SGIP1: variants seen among roughly 807,000 people sequenced by gnomAD.
The protein encoded by SGIP1 is SH3GL interacting endocytic adaptor 1.
In SGIP1, 38 loss-of-function variants were observed where a neutral mutation model predicts 107.5. That is an observed-to-expected ratio of 0.35 (90% CI 0.27 to 0.46). The LOEUF (loss-of-function observed/expected upper bound fraction) is 0.46. Among genes scored for constraint, SGIP1 ranks in the 20% least tolerant of loss-of-function variants. The pLI is 1.00. For missense variants in SGIP1, 929 were observed against 1,019.5 expected, an observed-to-expected ratio of 0.91 and a Z score of 1.21; for synonymous variants, 365 against 366.1, an observed-to-expected ratio of 1.00 and a Z score of 0.03.
chr1:66,679,322 T>G (rs1224051564), intron 13 of SGIP1, among the ~76,000 whole-genome samples: 2 of 152,180 alleles, frequency 1.3e-5, no homozygotes, highest in Non-Finnish European at 2.9e-5. Flanking sequence ...ATAAATCCCT[T>G]GAGGCCAAAG....
chr1:66,543,558 G>A (rs2055537608), intron 1 of SGIP1, among the ~76,000 whole-genome samples: 1 of 152,190 alleles, frequency 6.6e-6, no homozygotes, highest in Non-Finnish European at 1.5e-5. Context: ...CACGTTCAAA[G>A]GTGCTGAGGC....
intron 8 of SGIP1, among the ~76,000 whole-genome samples, chr1:66,662,357 C>G (rs139617693): frequency 2.2e-4 from 34 of 152,234 alleles, no homozygotes; most frequent in African/African-American, 7.9e-4. Context: ...TAGGATGTCA[C>G]AAAACTTCAA....
chr1:66,677,231 T>A lies in SGIP1; in HGVS notation c.739+135T>A, dbSNP rs551465795. 2.2e-4 allele frequency: 148 copies of A among 666,204 alleles called. 1 individual carries two copies. The South Asian group carries it at 3.3e-3, about 15-fold the overall frequency. The allele number at this position is 666,204 out of a possible 1,614,324, so 41.3% of individuals were successfully genotyped here. ...TGAATAATATTAAGAAGAGATGTTA[T>A]TCTAACAGGCTTTCAAGTTAAAGAA... is the stretch of plus-strand genomic sequence containing the variant. On this transcript the variant is annotated intron_variant, in intron 13 of 24. Coordinates refer to ENST00000371037, the MANE Select transcript of SGIP1 (RefSeq NM_032291.4).
chr1:66,664,283 G>A (rs1419244219), intron 8 of SGIP1, among the ~76,000 whole-genome samples: 2 of 152,104 alleles, frequency 1.3e-5, no homozygotes, highest in East Asian at 3.9e-4. Context: ...CATCCAGGCA[G>A]GTTTATAAGA....
chr1:66,603,160 GAGAA>G (rs1269119138), intron 1 of SGIP1, among the ~76,000 whole-genome samples: 1 of 152,184 alleles, frequency 6.6e-6, no homozygotes, highest in Non-Finnish European at 1.5e-5. Flanking sequence ...CTTGGAGAAA[GAGAA>G]AGAAATAGAA....
intron 16 of SGIP1, among the ~76,000 whole-genome samples, chr1:66,689,980 G>A (rs1027470750): frequency 1.3e-5 from 2 of 152,192 alleles, no homozygotes; most frequent in African/African-American, 4.8e-5. Context: ...GCTTCGCTAA[G>A]CTCAGCTTTA....
intron 21 of SGIP1, among the ~76,000 whole-genome samples, chr1:66,734,696 G>A (rs977673228): frequency 2.0e-5 from 3 of 151,826 alleles, no homozygotes; most frequent in Admixed American, 6.6e-5. Flanking sequence ...AATAGAGACG[G>A]GATTTCACCC....
intron 14 of SGIP1, among the ~76,000 whole-genome samples, chr1:66,681,472 A>G (rs1045138158): frequency 2.6e-5 from 4 of 152,220 alleles, no homozygotes; most frequent in African/African-American, 9.6e-5. Flanking sequence ...CCAGATTTTC[A>G]GAAGGGACCT....
At chr1:66,700,019 T>C (rs2091634147) in intron 18 of SGIP1, among the ~76,000 whole-genome samples, 1 of 152,174 alleles carries the variant, frequency 6.6e-6, no homozygotes, top group Non-Finnish European at 1.5e-5. Flanking sequence ...CACAACTCAC[T>C]GATGCAGAAA....
At chr1:66,604,631 C>G (rs999743855) in intron 1 of SGIP1, among the ~76,000 whole-genome samples, 2 of 152,184 alleles carry the variant, frequency 1.3e-5, no homozygotes, top group African/African-American at 4.8e-5. Flanking sequence ...ATGCTTATCT[C>G]ATAGGATGGT....
chr1:66,742,456 C>CTTTTTTTTTTTTTTTTTTTTTTTTTT (rs1557832284), intron 24 of SGIP1, among the ~76,000 whole-genome samples: 1 of 64,136 alleles, frequency 1.6e-5, no homozygotes, highest in Non-Finnish European at 3.7e-5. Flanking sequence ...TATGAGCACC[C>CTTTTTTTTTTTTTTTTTTTTTTTTTT]TTTCTTTTTT....
intron 19 of SGIP1, among the ~76,000 whole-genome samples, chr1:66,722,740 C>T: frequency 6.6e-6 from 1 of 152,148 alleles, no homozygotes; most frequent in African/African-American, 2.4e-5. Flanking sequence ...GGTACAGCAG[C>T]CTGTCCCATC....
rs1251198373 is a variant in SGIP1, at chr1:66,743,833, T to C, written c.*738T>C. 1 of 152,618 alleles carries C rather than the reference T, an allele frequency of 6.6e-6. No homozygotes were observed. The highest frequency in any genetic ancestry group is 1.5e-5 in the Non-Finnish European group (1 of 68,008). The allele number at this position is 152,618 out of a possible 1,614,324, so 9.5% of individuals were successfully genotyped here. A position where few individuals can be genotyped will look rare whatever the true frequency, so the allele number is the denominator to read the frequency against. On this transcript the variant is annotated 3_prime_UTR_variant, in exon 25 of 25. Coordinates refer to ENST00000371037, the MANE Select transcript of SGIP1 (RefSeq NM_032291.4). ...GTGTAAAAAGGGAAAGCAATTCATA[T>C]TTAAAGTTTAAGTATATTAAATTAT...
At chr1:66,739,568 G>C in intron 22 of SGIP1, 31 bp downstream of exon 22, 1 of 1,609,662 alleles carries the variant, frequency 6.2e-7, no homozygotes, top group Non-Finnish European at 8.5e-7. Context: ...TCCACCAAAG[G>C]GCTCCTCTGG....
intron 1 of SGIP1, among the ~76,000 whole-genome samples, chr1:66,555,602 A>G (rs1315805646): frequency 2.0e-5 from 3 of 152,164 alleles, no homozygotes; most frequent in Admixed American, 2.0e-4. Context: ...AGCCCAATTC[A>G]TGTCAGAATT....
At chr1:66,674,011 T>G (rs961201872) in intron 12 of SGIP1, among the ~76,000 whole-genome samples, 58 of 151,872 alleles carry the variant, frequency 3.8e-4, no homozygotes, top group Admixed American at 1.2e-3. Flanking sequence ...ACAAAAAAAT[T>G]TTTAAAATTA....
At chr1:66,574,437 G>A (rs1409850987) in intron 1 of SGIP1, among the ~76,000 whole-genome samples, 2 of 151,968 alleles carry the variant, frequency 1.3e-5, no homozygotes, top group Admixed American at 6.6e-5. Context: ...CCAACTCTTT[G>A]CCATGTTTTA....
Position 66,739,430 on chromosome 1 carries a change from T to C in SGIP1, c.2127T>C (p.Tyr709=), listed in dbSNP as rs1269330757. ...CTGACCTGCGCATAGATTACAAATA[T>C]AATACAGATGCAATGACGACTGCTG... is the stretch of plus-strand genomic sequence containing the variant. The part of the protein sequence containing the change: ...SSTDLRIDYK[Y]NTDAMTTAVA... The change falls in exon 22 of 25, where the codon TAT becomes TAC. Residue 709 remains tyrosine (Y), a synonymous_variant. Transcript: ENST00000371037. The C allele has an allele frequency of 5.6e-6, 9 of 1,614,066 alleles. No homozygotes were observed. The African/African-American group carries it at 1.2e-4, about 22-fold the overall frequency.
intron 8 of SGIP1, chr1:66,666,068 T>C (rs2082468446): frequency 6.6e-6 from 1 of 152,228 alleles, no homozygotes; most frequent in South Asian, 2.1e-4. Context: ...CCGAATGGTA[T>C]TACCTAGGTT....
Sources: gnomAD v4.1 joint callset for allele counts (sites outside exome capture counted in the v4.1 genomes callset) on GRCh38, gnomAD v4.1.1 for gene constraint, MANE v1.5 for transcripts, NCBI Gene and HGNC (gene_info 2026-07-23, HGNC 2026-07-21) for gene names.